PALD1: variants seen among roughly 807,000 people sequenced by gnomAD.
The protein encoded by PALD1 is phosphatase domain containing paladin 1.
In PALD1, 57 loss-of-function variants were observed where a neutral mutation model predicts 96.0. The ratio of observed to expected loss-of-function variants is 0.59; its 90% CI spans 0.48 to 0.74. The LOEUF (loss-of-function observed/expected upper bound fraction) is 0.74. Among genes scored for constraint, PALD1 ranks in the 30% least tolerant of loss-of-function variants. The pLI is 0.00. For synonymous variants in PALD1, 464 were observed against 473.6 expected (o/e 0.98, Z 0.26); for missense variants, 1,063 against 1,143.7 (o/e 0.93, Z 1.02).
chr10:70,545,075 G>A (rs1011413892), intron 17 of PALD1, among the ~76,000 whole-genome samples: 6 of 152,092 alleles, frequency 3.9e-5, no homozygotes, highest in African/African-American at 1.2e-4. Flanking sequence ...TCCAGGTGCC[G>A]GCAGAAAGCC....
chr10:70,461,512 C>CGTGTGAA, the PALD1 span, among the ~76,000 whole-genome samples: 8 of 152,234 alleles, frequency 5.3e-5, no homozygotes, highest in African/African-American at 1.9e-4. Flanking sequence ...CCAGGAAACA[C>CGTGTGAA]GTGTGAAGGA....
chr10:70,534,638 T>C, intron 9 of PALD1, 101 bp from the exon 10 acceptor site: 2 of 1,174,066 alleles, frequency 1.7e-6, no homozygotes, highest in Non-Finnish European at 1.2e-6. Flanking sequence ...TCTGCCAATC[T>C]TTTTCTTTCC....
In PALD1 at chr10:70,564,375, G is replaced by A. The variant is rs760157686; in HGVS notation, c.2274G>A (p.Ala758=). ...IICTYRQAKA[A]KEAQEMRRLQ... The stretch of plus-strand genomic sequence containing the variant: ...GTCCTGTCCTCCAGGCGAAGGCAGC[G>A]AAAGAGGCGCAAGAAATGCGGAGGC... Residue 758 remains alanine, a synonymous_variant, in exon 19 of 20, where the codon GCG becomes GCA. Transcript: ENST00000263563. The A allele has an allele frequency of 1.4e-5, 23 of 1,613,388 alleles. No homozygotes were observed. Among genetic ancestry groups the A allele is most frequent in the South Asian group, 2.2e-5 (2 of 90,998 alleles).
At chr10:70,530,633 C>T (rs1305553953) in intron 4 of PALD1, among the ~76,000 whole-genome samples, 1 of 152,130 alleles carries the variant, frequency 6.6e-6, no homozygotes, top group Non-Finnish European at 1.5e-5. Context: ...CCCTAGGACA[C>T]AGGCTGAGGG....
intron 18 of PALD1, among the ~76,000 whole-genome samples, chr10:70,558,544 T>G (rs1201055861): frequency 6.6e-6 from 1 of 152,118 alleles, no homozygotes; most frequent in Admixed American, 6.5e-5. Context: ...GTGACGGAGA[T>G]CTGCGGCAGG....
chr10:70,470,786 T>C, the PALD1 span, among the ~76,000 whole-genome samples: 1 of 150,872 alleles, frequency 6.6e-6, no homozygotes, highest in Non-Finnish European at 1.5e-5. Flanking sequence ...TTTTTGTATT[T>C]TTATTTTTAT....
chr10:70,544,618 T>G (rs1481249112), intron 17 of PALD1, among the ~76,000 whole-genome samples: 1 of 152,072 alleles, frequency 6.6e-6, no homozygotes, highest in Non-Finnish European at 1.5e-5. Flanking sequence ...AGTTTCTGGC[T>G]TTGCAGTAGT....
chr10:70,498,779 T>A (rs571291951), intron 1 of PALD1, among the ~76,000 whole-genome samples: 87 of 152,126 alleles, frequency 5.7e-4, no homozygotes, highest in African/African-American at 2.0e-3. Context: ...ATACAAAAAA[T>A]TAGCCAGACG....
chr10:70,460,206 C>T, the PALD1 span, among the ~76,000 whole-genome samples: 1 of 152,166 alleles, frequency 6.6e-6, no homozygotes, highest in East Asian at 1.9e-4. Flanking sequence ...CCCCTCCCCT[C>T]GAAGCCCGCC....
At chr10:70,547,999 C>T (rs1056102847) in intron 18 of PALD1, among the ~76,000 whole-genome samples, 9 of 151,400 alleles carry the variant, frequency 5.9e-5, no homozygotes, top group Non-Finnish European at 1.2e-4. Context: ...TTAAATAACT[C>T]ATTACATTAT....
intron 18 of PALD1, among the ~76,000 whole-genome samples, chr10:70,559,246 CG>C (rs1191441931): frequency 6.6e-6 from 1 of 151,752 alleles, no homozygotes; most frequent in Non-Finnish European, 1.5e-5. Context: ...TGCTGGCATC[CG>C]GGGGAAGAAT....
chr10:70,534,221 T>G, intron 8 of PALD1, 148 bp downstream of exon 8: 1 of 1,032,150 alleles, frequency 9.7e-7, no homozygotes. Flanking sequence ...CCACGAGACT[T>G]GCTGGGAGAC....
chr10:70,563,302 A>C (rs2151961), intron 18 of PALD1, among the ~76,000 whole-genome samples: 146,767 of 152,230 alleles, frequency 0.96, 70,968 homozygotes, highest in East Asian at 1. Flanking sequence ...TCAGCCCCCA[A>C]ACTCCAGGCA....
At chr10:70,507,457 C>G (rs147553451) in intron 1 of PALD1, among the ~76,000 whole-genome samples, 99 of 152,274 alleles carry the variant, frequency 6.5e-4, no homozygotes, top group African/African-American at 2.3e-3. Context: ...CAGGGTCTTG[C>G]TCTGTCACCC....
At chr10:70,555,438 C>G (rs1418196621) in intron 18 of PALD1, among the ~76,000 whole-genome samples, 1 of 152,204 alleles carries the variant, frequency 6.6e-6, no homozygotes. Flanking sequence ...TTCCCAACTC[C>G]TCGACTTGCA....
chr10:70,552,733 A>G (rs938775668), intron 18 of PALD1, among the ~76,000 whole-genome samples: 1 of 152,222 alleles, frequency 6.6e-6, no homozygotes, highest in African/African-American at 2.4e-5. Context: ...CTCTTAAACA[A>G]TGGACAGTCG....
At chr10:70,545,689 C>T (rs1432883963) in intron 17 of PALD1, among the ~76,000 whole-genome samples, 26 of 151,980 alleles carry the variant, frequency 1.7e-4, no homozygotes, top group African/African-American at 5.8e-4. Flanking sequence ...CTCCCCACCT[C>T]GGCCTCCCAA....
At chr10:70,463,614 C>T in the PALD1 span, among the ~76,000 whole-genome samples, 1 of 152,082 alleles carries the variant, frequency 6.6e-6, no homozygotes, top group Non-Finnish European at 1.5e-5. Context: ...GGATACATTC[C>T]TGCTGTCATG....
chr10:70,529,197 G>C, intron 2 of PALD1, 32 bp from the exon 3 acceptor site: 2 of 652,916 alleles, frequency 3.1e-6, no homozygotes, highest in Non-Finnish European at 5.0e-6. Flanking sequence ...GCTTGACTCA[G>C]TTTCCATTCT....
Sources: gnomAD v4.1 joint callset for allele counts (sites outside exome capture counted in the v4.1 genomes callset) on GRCh38, gnomAD v4.1.1 for gene constraint, MANE v1.5 for transcripts, NCBI Gene and HGNC (gene_info 2026-07-23, HGNC 2026-07-21) for gene names.